The following SCAMP3 variants were observed in gnomAD, a reference collection of about 807,000 sequenced individuals.
SCAMP3 encodes the protein secretory carrier-associated membrane protein 3.
Under a neutral mutation model 44.1 loss-of-function variants are expected in SCAMP3, and 30 were observed. The ratio of observed to expected loss-of-function variants is 0.68; its 90% CI spans 0.51 to 0.92. The LOEUF (loss-of-function observed/expected upper bound fraction) is 0.92, where lower values mean the gene tolerates loss of function less well. Ranked by LOEUF, SCAMP3 falls within the 40% of genes least tolerant of loss-of-function variation. SCAMP3 has a pLI of 0.00. For missense variants in SCAMP3, 394 were observed against 440.0 expected, an observed-to-expected ratio of 0.90 and a Z score of 0.93; for synonymous variants, 168 against 171.1, an observed-to-expected ratio of 0.98 and a Z score of 0.14.
In SCAMP3 at chr1:155,257,638, G is replaced by A; in HGVS notation, c.537C>T (p.Leu179=). ...YLWMCSTLAL[L]LNFLACLASF... is the part of the protein sequence containing the mutation. ...TGGCCAGGCAGGCGAGGAAGTTCAG[G>A]AGAAGAGCCAGCGTGCTGCCTAAGG... Residue 179 remains leucine, a synonymous_variant, in exon 6 of 9, where the codon CTC becomes CTT. Coordinates refer to ENST00000302631, the MANE Select transcript of SCAMP3 (RefSeq NM_005698.4). 6.4e-7 allele frequency: 1 copy of A among 1,564,736 alleles called. No individual in the cohort carries two copies. Among genetic ancestry groups the A allele is most frequent in the Non-Finnish European group, 8.7e-7 (1 of 1,153,692 alleles).
At chr1:155,257,936 C>A (rs557799151) in intron 5 of SCAMP3, among the ~76,000 whole-genome samples, 1 of 152,210 alleles carries the variant, frequency 6.6e-6, no homozygotes, top group Non-Finnish European at 1.5e-5. Flanking sequence ...GCTCCGCCTC[C>A]CCGGTTCACG....
Position 155,258,318 on chromosome 1 carries a change from C to CTT in SCAMP3, c.517+506_517+507dup, listed in dbSNP as rs71996352. Among the ~76,000 whole-genome samples, 832 of 85,928 alleles carry CTT rather than the reference C, an allele frequency of 9.7e-3. 47 individuals carry two copies. Among genetic ancestry groups the CTT allele is most frequent in the Non-Finnish European group, 0.013 (509 of 38,590 alleles). The allele number at this position is 85,928 out of a possible 152,430, so 56.4% of individuals were successfully genotyped here. On this transcript the variant is annotated intron_variant, in intron 5 of 8. Coordinates refer to ENST00000302631, the MANE Select transcript of SCAMP3 (RefSeq NM_005698.4). ...ACAGGTGTGAGCCACCGTGCCCGGCCTTTTTTTTTTTTTTTTTTTTTTTTT... is the reference window on the plus strand; with the variant it reads ...ACAGGTGTGAGCCACCGTGCCCGGCCTTTTTTTTTTTTTTTTTTTTTTTTTTT...
At chr1:155,259,253 C>T (rs1159412777) in intron 4 of SCAMP3, among the ~76,000 whole-genome samples, 1 of 150,252 alleles carries the variant, frequency 6.7e-6, no homozygotes, top group Non-Finnish European at 1.5e-5. Context: ...TGGCTCAGTG[C>T]AATCTCCGCC....
rs1672987347 is a variant in SCAMP3 at position 155,262,190 on chromosome 1, G to A, written c.-39C>T. On this transcript the variant is annotated 5_prime_UTR_variant, in exon 1 of 9. Coordinates refer to ENST00000302631, the MANE Select transcript of SCAMP3 (RefSeq NM_005698.4). The stretch of plus-strand genomic sequence containing the variant: ...GCCTCCGCGGCCCTCTGCCCTCCAC[G>A]CCCCTGCCGCAGCAGTGGCGGTAGC... The A allele has an allele frequency of 1.3e-6, 2 of 1,589,974 alleles. No homozygotes were observed. The highest frequency in any genetic ancestry group is 2.7e-5 in the African/African-American group (2 of 74,526).
At chr1:155,258,229 C>T (rs753238970) in intron 5 of SCAMP3, among the ~76,000 whole-genome samples, 1 of 150,998 alleles carries the variant, frequency 6.6e-6, no homozygotes, top group East Asian at 1.9e-4. Flanking sequence ...CCGTGTTAGC[C>T]AGGATGGTCT....
chr1:155,259,459 G>A (rs952814082), intron 4 of SCAMP3, among the ~76,000 whole-genome samples: 2 of 151,944 alleles, frequency 1.3e-5, no homozygotes, highest in Non-Finnish European at 1.5e-5. Context: ...CATGAGCCCC[G>A]GCGCCTGGCC....
At position 155,256,650 on chromosome 1, in the gene SCAMP3, C is replaced by T. The variant is rs752369521; in HGVS notation, c.897+24G>A. On this transcript the variant is annotated intron_variant, in intron 8 of 8. Coordinates refer to ENST00000302631, the MANE Select transcript of SCAMP3 (RefSeq NM_005698.4). Reference sequence around the variant, plus strand: ...GGGACCCATGATCTCACCATCCCGGCCCCACCTTCGACACAGCCCTCACCC... The same window carrying T: ...GGGACCCATGATCTCACCATCCCGGTCCCACCTTCGACACAGCCCTCACCC... 7.8e-5 allele frequency: 124 copies of T among 1,595,792 alleles called. 1 individual carries two copies. The South Asian group carries it at 1.3e-3, about 16-fold the overall frequency.
chr1:155,256,543 C>G, intron 8 of SCAMP3, 124 bp from the exon 9 acceptor site: 1 of 1,372,210 alleles, frequency 7.3e-7, no homozygotes, highest in Non-Finnish European at 1.0e-6. Context: ...CAGAAACACA[C>G]ACCCCAGAGG....
At position 155,262,118 on chromosome 1, in the gene SCAMP3, C is replaced by G. The variant is rs770905053; in HGVS notation, c.34G>C (p.Ala12Pro). The change falls in exon 1 of 9, where the codon GCC becomes CCC. Residue 12 changes from alanine (A) to proline (P), a missense_variant. By Grantham distance (27) the Ala-to-Pro change is conservative. Transcript: ENST00000302631. Reference protein sequence around the residue: ...AQSRDGGNPFAEPSELDNPFQ... With the variant: ...AQSRDGGNPFPEPSELDNPFQ... ...GGGTTGTCAAGCTCGCTGGGCTCGG[C>G]GAACGGGTTTCCGCCGTCTCTGCTC... 5.6e-6 allele frequency: 9 copies of G among 1,613,990 alleles called. No homozygotes were observed. The highest frequency in any genetic ancestry group is 7.6e-6 in the Non-Finnish European group (9 of 1,180,032).
At chr1:155,257,885 C>T (rs928695993) in intron 5 of SCAMP3, among the ~76,000 whole-genome samples, 1 of 152,276 alleles carries the variant, frequency 6.6e-6, no homozygotes, top group East Asian at 1.9e-4. Flanking sequence ...GGCTCTGTCG[C>T]GCAGGCTGGA....
rs751188146 is a variant in SCAMP3, at chr1:155,260,442, A to G, written c.276T>C (p.Ala92=). ...TCAGCAGCTCAGCTGTGGCTGCTGC[A>G]GCTGAGGCCTGCCCAGTGTGAGCAG... is the stretch of plus-strand genomic sequence containing the variant. The part of the protein sequence containing the change: ...NYGSYSTQAS[A]AAATAELLKK... The change falls in exon 4 of 9, where the codon GCT becomes GCC. Residue 92 remains alanine, a synonymous_variant. Coordinates refer to ENST00000302631, the MANE Select transcript of SCAMP3 (RefSeq NM_005698.4). The G allele has an allele frequency of 1.5e-5, 25 of 1,614,032 alleles. No homozygotes were observed. The highest frequency in any genetic ancestry group is 3.3e-5 in the Admixed American group (2 of 60,004).
chr1:155,259,881 C>T (rs1672911569), intron 4 of SCAMP3, among the ~76,000 whole-genome samples: 1 of 151,888 alleles, frequency 6.6e-6, no homozygotes, highest in African/African-American at 2.4e-5. Flanking sequence ...AGTAACTTCC[C>T]TAAAAGCTCA....
chr1:155,262,084 A>T lies in SCAMP3; in HGVS notation c.66+2T>A. 1 of 1,613,836 alleles carries T rather than the reference A, an allele frequency of 6.2e-7. No homozygotes were observed. The highest frequency in any genetic ancestry group is 8.5e-7 in the Non-Finnish European group (1 of 1,179,824). On this transcript the variant is annotated splice_donor_variant, in intron 1 of 8. Coordinates refer to ENST00000302631, the MANE Select transcript of SCAMP3 (RefSeq NM_005698.4). LOFTEE classifies it high-confidence loss of function. ...CAAAAGAGGCCGACTGGCGCAAGTC[A>T]CCTGAAAGGGGTTGTCAAGCTCGCT...
intron 5 of SCAMP3, among the ~76,000 whole-genome samples, chr1:155,258,480 G>C (rs941999479): frequency 2.0e-5 from 3 of 151,800 alleles, no homozygotes; most frequent in African/African-American, 7.3e-5. Flanking sequence ...AGGATTACAG[G>C]CATGTGCCAC....
In SCAMP3 at chr1:155,257,470, A is replaced by G. The variant is rs769409258; in HGVS notation, c.677+28T>C. The G allele has an allele frequency of 1.9e-6, 3 of 1,612,904 alleles. No homozygotes were observed. In the South Asian group the frequency reaches 3.3e-5, roughly 18 times the overall value. ...GACGTGGGGCCCATCCCAGGTCTCC[A>G]TCACTCTCCCACCACTAACACACTT... On this transcript the variant is annotated intron_variant, in intron 6 of 8. Coordinates refer to ENST00000302631, the MANE Select transcript of SCAMP3 (RefSeq NM_005698.4).
chr1:155,258,318 CTTTTTTTTT>C (rs71996352), intron 5 of SCAMP3, among the ~76,000 whole-genome samples: 13 of 86,578 alleles, frequency 1.5e-4, no homozygotes, highest in African/African-American at 3.2e-4. Context: ...CGTGCCCGGC[CTTTTTTTTT>C]TTTTTTTTTT....
intron 1 of SCAMP3, 106 bp from the exon 2 acceptor site, chr1:155,261,840 C>T: frequency 1.9e-6 from 2 of 1,073,142 alleles, no homozygotes; most frequent in South Asian, 2.5e-5. Flanking sequence ...ACCTTCGGGG[C>T]CACGCCGTTG....
At position 155,256,719 on chromosome 1, in the gene SCAMP3, C is replaced by T; in HGVS notation, c.852G>A (p.Leu284=). The T allele has an allele frequency of 6.2e-7, 1 of 1,614,212 alleles. No homozygotes were observed. Among genetic ancestry groups the T allele is most frequent in the African/African-American group, 1.3e-5 (1 of 75,060 alleles). Reference sequence around the variant, plus strand: ...CTAGCACAGCAATGCCAGTGAAGAGCAGGGCGACCAGCAGCATGAGCACGG... The same window carrying T: ...CTAGCACAGCAATGCCAGTGAAGAGTAGGGCGACCAGCAGCATGAGCACGG... The part of the protein sequence containing the change: ...AVSVLMLLVA[L]LFTGIAVLGI... Residue 284 remains leucine (L), a synonymous_variant, in exon 8 of 9, where the codon CTG becomes CTA. Coordinates refer to ENST00000302631, the MANE Select transcript of SCAMP3 (RefSeq NM_005698.4).
intron 1 of SCAMP3, 112 bp downstream of exon 1, chr1:155,261,962 TCACCCCACGTGG>T (rs1337052196): frequency 1.0e-6 from 1 of 994,166 alleles, no homozygotes; most frequent in Non-Finnish European, 1.5e-6. Flanking sequence ...GGAGTCACTG[TCACCCCACGTGG>T]CGGCTCTTCC....
Sources: allele counts gnomAD v4.1 joint callset (sites outside exome capture counted in the v4.1 genomes callset), GRCh38; gene constraint gnomAD v4.1.1; transcripts MANE v1.5; gene names NCBI Gene and HGNC (gene_info 2026-07-23, HGNC 2026-07-21).